LINC01488: variants seen among roughly 807,000 people sequenced by gnomAD.
The protein encoded by LINC01488 is long independently transcribed non-coding RNA 1488.
At chr11:69,484,277 G>A (rs914051054) in intron 1 of LINC01488, among the ~76,000 whole-genome samples, 4 of 152,214 alleles carry the variant, frequency 2.6e-5, no homozygotes, top group African/African-American at 9.6e-5. Flanking sequence ...GCTGCCCGGT[G>A]AGAGGACACA....
At chr11:69,482,528 ATGGATGGATGAT>A (rs1295387376) in intron 1 of LINC01488, among the ~76,000 whole-genome samples, 1 of 151,636 alleles carries the variant, frequency 6.6e-6, no homozygotes, top group Non-Finnish European at 1.5e-5. Flanking sequence ...GGATGGATGA[ATGGATGGATGAT>A]GAGTGGATGG....
chr11:69,486,681 G>A (rs1857125879), intron 1 of LINC01488, among the ~76,000 whole-genome samples: 1 of 152,172 alleles, frequency 6.6e-6, no homozygotes, highest in Non-Finnish European at 1.5e-5. Flanking sequence ...TGGGGACAGG[G>A]GAGGAGCCTC....
At position 69,488,087 on chromosome 11, in the gene LINC01488, C is replaced by T. The variant is rs144535439; in HGVS notation, n.123-2408C>T. On this transcript the variant is annotated intron_variant and non_coding_transcript_variant, in intron 1 of 3. Coordinates refer to ENST00000644563, the Ensembl canonical transcript of LINC01488. Reference sequence around the variant, plus strand: ...CCCTCAACCCTGATAATCCTGCATGCACGGCACAGGCCTCGAACCTCCTCT... The same window carrying T: ...CCCTCAACCCTGATAATCCTGCATGTACGGCACAGGCCTCGAACCTCCTCT... 1,264 of 152,492 alleles carry T rather than the reference C, an allele frequency of 8.3e-3. 19 individuals are homozygous for T. The highest frequency in any genetic ancestry group is 0.013 in the Non-Finnish European group (899 of 68,136). 9.4% of individuals were successfully genotyped at this position (152,492 alleles called of 1,614,324 possible).
At chr11:69,483,410 G>A (rs1044443355) in intron 1 of LINC01488, among the ~76,000 whole-genome samples, 1 of 152,186 alleles carries the variant, frequency 6.6e-6, no homozygotes, top group African/African-American at 2.4e-5. Context: ...CTATAAAGTA[G>A]GATCATGATA....
At chr11:69,485,091 G>A (rs1347268062) in intron 1 of LINC01488, among the ~76,000 whole-genome samples, 9 of 152,200 alleles carry the variant, frequency 5.9e-5, no homozygotes, top group Non-Finnish European at 1.2e-4. Flanking sequence ...TGGGAAGTGG[G>A]GGGCGGGGTG....
intron 1 of LINC01488, among the ~76,000 whole-genome samples, chr11:69,484,834 G>C (rs149885296): frequency 6.6e-6 from 1 of 152,206 alleles, no homozygotes; most frequent in African/African-American, 2.4e-5. Flanking sequence ...GCTCAGGACC[G>C]TCTGCAGGTC....
intron 1 of LINC01488, chr11:69,487,909 G>A (rs576774948): frequency 2.0e-5 from 3 of 152,408 alleles, no homozygotes; most frequent in East Asian, 3.9e-4. Flanking sequence ...GTCCCTACAC[G>A]GGTCAAGATG....
intron 1 of LINC01488, among the ~76,000 whole-genome samples, chr11:69,483,047 G>C (rs575006265): frequency 6.6e-6 from 1 of 152,172 alleles, no homozygotes; most frequent in Admixed American, 6.5e-5. Context: ...ACGAATTGTG[G>C]GGGGATGTGA....
chr11:69,482,669 G>A (rs1380390071), intron 1 of LINC01488, among the ~76,000 whole-genome samples: 1 of 152,194 alleles, frequency 6.6e-6, no homozygotes, highest in Non-Finnish European at 1.5e-5. Flanking sequence ...ATGGAAGAAA[G>A]GAAGAGAGAG....
intron 1 of LINC01488, among the ~76,000 whole-genome samples, chr11:69,484,695 G>A (rs746659752): frequency 4.9e-4 from 74 of 152,246 alleles, no homozygotes; most frequent in Non-Finnish European, 8.2e-4. Flanking sequence ...GCTGGCCCAC[G>A]CAGCTGCTGA....
chr11:69,490,319 G>A (rs1422206959), intron 1 of LINC01488, among the ~76,000 whole-genome samples: 6 of 152,254 alleles, frequency 3.9e-5, no homozygotes, highest in Admixed American at 2.6e-4. Context: ...GATCTGGGGC[G>A]TACACAGCCA....
rs1001358232 is a variant in LINC01488, at chr11:69,490,956, G to A, written n.162-71G>A. The A allele has an allele frequency of 3.0e-4, 45 of 152,038 alleles. No homozygotes were observed. The Middle Eastern group carries it at 0.017, about 57-fold the overall frequency. The allele number at this position is 152,038 out of a possible 1,614,324, so 9.4% of individuals were successfully genotyped here. On this transcript the variant is annotated intron_variant and non_coding_transcript_variant, in intron 2 of 3. Coordinates refer to ENST00000644563, the Ensembl canonical transcript of LINC01488. ...TCTGCCCAAGCAAGACCTCCCCCTGGAATTCATTCATTTATCAACTCATTA... is the reference window on the plus strand; with the variant it reads ...TCTGCCCAAGCAAGACCTCCCCCTGAAATTCATTCATTTATCAACTCATTA...
At chr11:69,489,862 G>A (rs545788539) in intron 1 of LINC01488, among the ~76,000 whole-genome samples, 167 of 152,256 alleles carry the variant, frequency 1.1e-3, no homozygotes, top group African/African-American at 3.8e-3. Flanking sequence ...GCCCCATCCC[G>A]ACACTCTCAG....
intron 1 of LINC01488, among the ~76,000 whole-genome samples, chr11:69,483,002 A>G (rs1356089579): frequency 6.6e-6 from 1 of 152,226 alleles, no homozygotes; most frequent in African/African-American, 2.4e-5. Context: ...AAATAATGTT[A>G]CATTCCGGGG....
chr11:69,484,811 G>T (rs1283207740), intron 1 of LINC01488, among the ~76,000 whole-genome samples: 1 of 152,224 alleles, frequency 6.6e-6, no homozygotes, highest in East Asian at 1.9e-4. Context: ...CCTCCTGCTG[G>T]GTCAAACCCT....
At chr11:69,484,950 C>T (rs1418191070) in intron 1 of LINC01488, among the ~76,000 whole-genome samples, 1 of 152,218 alleles carries the variant, frequency 6.6e-6, no homozygotes, top group Non-Finnish European at 1.5e-5. Flanking sequence ...TGGTTTGTGT[C>T]CTGGTCTTAT....
At chr11:69,483,644 C>T (rs1011164009) in intron 1 of LINC01488, among the ~76,000 whole-genome samples, 2 of 152,190 alleles carry the variant, frequency 1.3e-5, no homozygotes, top group African/African-American at 2.4e-5. Context: ...GTCAGGCCCA[C>T]GTCCAGAGGG....
chr11:69,493,144 A>G (rs774687916), exon 4 of LINC01488: 1 of 152,226 alleles, frequency 6.6e-6, no homozygotes, highest in Non-Finnish European at 1.5e-5. Context: ...CTGTCAGCCT[A>G]GGAGCCTACC....
At chr11:69,492,475 A>AG (rs1168570779) in exon 4 of LINC01488, 2 of 152,636 alleles carry the variant, frequency 1.3e-5, no homozygotes, top group South Asian at 2.1e-4. Context: ...AGGAGGAGGC[A>AG]GGGGGAGCCG....
Sources: gnomAD v4.1 joint callset for allele counts (sites outside exome capture counted in the v4.1 genomes callset) on GRCh38, gnomAD v4.1.1 for gene constraint, MANE v1.5 for transcripts, NCBI Gene and HGNC (gene_info 2026-07-23, HGNC 2026-07-21) for gene names.